ADI1: variants seen among roughly 807,000 people sequenced by gnomAD.
The protein encoded by ADI1 is acireductone dioxygenase 1.
In ADI1, 21 loss-of-function variants were observed where a neutral mutation model predicts 18.7. The observed-to-expected ratio is 1.13, with a 90% CI of 0.80 to 1.62. ADI1 has a LOEUF of 1.62. Among genes scored for constraint, ADI1 ranks in the 40% most tolerant of loss-of-function variants. The pLI is 0.00. For synonymous variants in ADI1, 90 were observed against 100.1 expected (o/e 0.90, Z 0.60); for missense variants, 245 against 254.9 (o/e 0.96, Z 0.26).
chr2:3,499,937 C>T (rs1011955542), intron 3 of ADI1, among the ~76,000 whole-genome samples: 8 of 152,100 alleles, frequency 5.3e-5, no homozygotes, highest in African/African-American at 1.9e-4. Flanking sequence ...TGGTGGTGTG[C>T]CCCAGTAATC....
chr2:3,518,486 T>G (rs2103216282), intron 1 of ADI1, among the ~76,000 whole-genome samples: 1 of 152,342 alleles, frequency 6.6e-6, no homozygotes, highest in Non-Finnish European at 1.5e-5. Context: ...TCTGGACTGG[T>G]GCTGTGCAAG....
At chr2:3,514,788 A>G (rs1437102673) in intron 1 of ADI1, 1 of 1,548,046 alleles carries the variant, frequency 6.5e-7, no homozygotes, top group African/African-American at 1.4e-5. Context: ...TAAACTGCAC[A>G]TTATATCATC....
chr2:3,510,868 T>C (rs546741798), intron 2 of ADI1, among the ~76,000 whole-genome samples: 1 of 152,198 alleles, frequency 6.6e-6, no homozygotes, highest in Admixed American at 6.5e-5. Flanking sequence ...GAAAGAATAA[T>C]ACTATCTACA....
At chr2:3,504,992 C>T (rs1558426600) in intron 2 of ADI1, among the ~76,000 whole-genome samples, 1 of 151,900 alleles carries the variant, frequency 6.6e-6, no homozygotes, top group East Asian at 1.9e-4. Context: ...GTCTGTTCAC[C>T]TGTGTATGTT....
At chr2:3,518,757 T>C (rs952579899) in intron 1 of ADI1, among the ~76,000 whole-genome samples, 1 of 152,198 alleles carries the variant, frequency 6.6e-6, no homozygotes, top group Non-Finnish European at 1.5e-5. Flanking sequence ...CCCCTGGGCC[T>C]TTGACCGAGG....
chr2:3,503,667 G>A (rs962770357), intron 2 of ADI1, among the ~76,000 whole-genome samples: 2 of 152,200 alleles, frequency 1.3e-5, no homozygotes, highest in African/African-American at 4.8e-5. Flanking sequence ...GTGCCAGGAA[G>A]AGCAGCTGAC....
intron 2 of ADI1, among the ~76,000 whole-genome samples, chr2:3,510,189 C>T (rs938658088): frequency 6.6e-6 from 1 of 151,082 alleles, no homozygotes; most frequent in African/African-American, 2.4e-5. Context: ...GTGGCACATA[C>T]CTGTAGTCCT....
chr2:3,507,374 T>C (rs1476198652), intron 2 of ADI1, among the ~76,000 whole-genome samples: 1 of 151,968 alleles, frequency 6.6e-6, no homozygotes, highest in Admixed American at 6.5e-5. Context: ...TACCTAGGCA[T>C]ATCATATTAA....
At chr2:3,503,382 C>G (rs1381979300) in intron 2 of ADI1, among the ~76,000 whole-genome samples, 1 of 144,232 alleles carries the variant, frequency 6.9e-6, no homozygotes, top group Admixed American at 6.9e-5. Flanking sequence ...CACATACACA[C>G]GTACTCACAC....
intron 1 of ADI1, chr2:3,516,042 A>G (rs1304079141): frequency 1.0e-6 from 1 of 982,608 alleles, no homozygotes; most frequent in Non-Finnish European, 1.2e-6. Flanking sequence ...ATAATATGTA[A>G]TATGACACAT....
In ADI1 at chr2:3,503,995, G is replaced by T. The variant is rs554445913; in HGVS notation, c.241-3002C>A. ...ATGACAGTCACAGCCCACAAAGGCA[G>T]GAATCATCACGACTTACGAAAAACG... On this transcript the variant is annotated intron_variant, in intron 2 of 3. Coordinates refer to ENST00000327435, the MANE Select transcript of ADI1 (RefSeq NM_018269.4). Among the ~76,000 whole-genome samples the T allele has an allele frequency of 3.3e-5, 5 of 152,310 alleles. No homozygotes were observed. In the East Asian group the frequency reaches 9.6e-4, roughly 29 times the overall value.
At chr2:3,519,284 C>T (rs893173274) in intron 1 of ADI1, 84 bp downstream of exon 1, 48 of 1,312,854 alleles carry the variant, frequency 3.7e-5, no homozygotes, top group Non-Finnish European at 4.6e-5. Context: ...AGGCCGCTGC[C>T]CGGCACCTGG....
At chr2:3,516,909 CTTTT>C (rs10656904) in intron 1 of ADI1, 198,604 of 981,800 alleles carry the variant, frequency 0.2, 20,641 homozygotes, top group East Asian at 0.23. Context: ...GTGTGTGTGG[CTTTT>C]TTGTTTTTTG....
rs184085950 is a variant in ADI1, at chr2:3,515,843, C to T, written c.121-1867G>A. On this transcript the variant is annotated intron_variant, in intron 1 of 3. Coordinates refer to ENST00000327435, the MANE Select transcript of ADI1 (RefSeq NM_018269.4). ...TGTCTCTCTTTATTTCTCAGCTGGC[C>T]GACACTTATGGAAAATGGAACCTAT... The T allele has an allele frequency of 8.9e-5, 83 of 936,596 alleles. No individual in the cohort carries two copies. The Middle Eastern group carries it at 1.7e-3, about 19-fold the overall frequency. The allele number at this position is 936,596 out of a possible 1,614,324, so 58.0% of individuals were successfully genotyped here.
chr2:3,504,913 G>A (rs1169600261), intron 2 of ADI1, among the ~76,000 whole-genome samples: 3 of 151,076 alleles, frequency 2.0e-5, no homozygotes, highest in Non-Finnish European at 4.4e-5. Context: ...TGGTTCACCT[G>A]AGTATGTTTG....
chr2:3,501,020 G>A (rs756985338), intron 2 of ADI1, 27 bp from the exon 3 acceptor site: 1 of 1,552,512 alleles, frequency 6.4e-7, no homozygotes, highest in Non-Finnish European at 8.7e-7. Flanking sequence ...ATTCCTGTGA[G>A]TCTACCAGAG....
intron 2 of ADI1, among the ~76,000 whole-genome samples, chr2:3,505,032 C>CATTGTTGGTTCACCTATGTTTGT (rs1667145995): frequency 6.7e-6 from 1 of 149,828 alleles, no homozygotes. Flanking sequence ...AGTATGTTTG[C>CATTGTTGGTTCACCTATGTTTGT]ATTGTTGGTT....
At chr2:3,519,192 T>C in intron 1 of ADI1, 176 bp downstream of exon 1, 2 of 972,182 alleles carry the variant, frequency 2.1e-6, no homozygotes, top group Non-Finnish European at 2.7e-6. Flanking sequence ...CTGCTGAGCA[T>C]GCGCAGCCCA....
chr2:3,518,908 C>T (rs1486517372), intron 1 of ADI1, among the ~76,000 whole-genome samples: 2 of 152,228 alleles, frequency 1.3e-5, no homozygotes, highest in African/African-American at 4.8e-5. Context: ...CGAGTCCCGG[C>T]TGCGAGGCCC....
Sources: gnomAD v4.1 joint callset for allele counts (sites outside exome capture counted in the v4.1 genomes callset) on GRCh38, gnomAD v4.1.1 for gene constraint, MANE v1.5 for transcripts, NCBI Gene and HGNC (gene_info 2026-07-23, HGNC 2026-07-21) for gene names.